OTOP1: variants seen among roughly 807,000 people sequenced by gnomAD.
OTOP1 encodes otopetrin 1, also known as proton channel OTOP1.
Under a neutral mutation model 52.9 loss-of-function variants are expected in OTOP1, and 59 were observed. The observed-to-expected ratio is 1.12, with a 90% CI of 0.91 to 1.39. The LOEUF is 1.39. OTOP1 is among the 40% of genes most tolerant of loss of function. OTOP1 has a pLI of 0.00. For synonymous variants in OTOP1, 317 were observed against 337.7 expected (o/e 0.94, Z 0.67); for missense variants, 761 against 800.9 (o/e 0.95, Z 0.60).
At chr4:4,207,677 A>C (rs1560208249) in intron 2 of OTOP1, among the ~76,000 whole-genome samples, 1 of 152,172 alleles carries the variant, frequency 6.6e-6, no homozygotes, top group African/African-American at 2.4e-5. Flanking sequence ...TAGCAGCATT[A>C]TTCACAATAG....
chr4:4,194,612 A>T (rs1205236843), intron 5 of OTOP1, among the ~76,000 whole-genome samples: 1 of 152,222 alleles, frequency 6.6e-6, no homozygotes, highest in Non-Finnish European at 1.5e-5. Flanking sequence ...GTGATATCAA[A>T]AGCTGCAGGC....
chr4:4,215,402 C>T (rs1717118873), intron 1 of OTOP1, among the ~76,000 whole-genome samples: 1 of 152,166 alleles, frequency 6.6e-6, no homozygotes, highest in Non-Finnish European at 1.5e-5. Context: ...TGGCTCACAC[C>T]TGTAATCCCA....
At chr4:4,207,600 T>G (rs1716934974) in intron 2 of OTOP1, among the ~76,000 whole-genome samples, 1 of 17,454 alleles carries the variant, frequency 5.7e-5, no homozygotes. Flanking sequence ...TCTGGGTATA[T>G]ATATATATAT....
chr4:4,226,384 G>A, intron 1 of OTOP1, 78 bp downstream of exon 1: 1 of 1,301,658 alleles, frequency 7.7e-7, no homozygotes. Context: ...GGCAGCGGTA[G>A]GAAGGGCGCA....
Position 4,197,381 on chromosome 4 carries a change from C to A in OTOP1, c.1453G>T (p.Ala485Ser). ...TTGCCCTGGGGAGCCACATCTCTGG[C>A]CACACCTCCACTCTTGGGGCAGGAA... is the stretch of plus-strand genomic sequence containing the variant. ...ASSCPKSGGV[A>S]RDVAPQGKDM... Residue 485 changes from alanine (A) to serine (S), a missense_variant, in exon 5 of 6, where the codon GCC becomes TCC. Ala to Ser is a moderately conservative substitution (Grantham distance 99, BLOSUM62 1). Around this residue, in one of 3 missense-constraint regions of OTOP1, gnomAD observed 632 missense variants for 619.5 expected, o/e 1.02. Transcript: ENST00000296358. 1.2e-6 allele frequency: 2 copies of A among 1,614,084 alleles called. No homozygotes were observed. Among genetic ancestry groups the A allele is most frequent in the Non-Finnish European group, 1.7e-6 (2 of 1,180,020 alleles).
At chr4:4,207,135 A>C (rs1011710763) in intron 2 of OTOP1, among the ~76,000 whole-genome samples, 2 of 152,220 alleles carry the variant, frequency 1.3e-5, no homozygotes, top group Admixed American at 6.5e-5. Context: ...CCTAAGATTT[A>C]CTGTCTTACT....
intron 1 of OTOP1, among the ~76,000 whole-genome samples, chr4:4,213,917 C>T (rs879080536): frequency 2.0e-5 from 3 of 152,084 alleles, no homozygotes; most frequent in African/African-American, 4.8e-5. Flanking sequence ...TGGTGAAACC[C>T]GTCTCTACTA....
intron 5 of OTOP1, among the ~76,000 whole-genome samples, chr4:4,195,097 AACATAAAG>A (rs1716593285): frequency 6.6e-6 from 1 of 152,062 alleles, no homozygotes. Flanking sequence ...CCTTGCCCTC[AACATAAAG>A]ACTAGACTCT....
intron 5 of OTOP1, among the ~76,000 whole-genome samples, chr4:4,189,466 C>T (rs142647365): frequency 6.6e-5 from 10 of 152,304 alleles, no homozygotes; most frequent in African/African-American, 9.6e-5. Context: ...TCCTCACTCC[C>T]GCTTCCGGCT....
chr4:4,197,090 G>T, intron 5 of OTOP1, 76 bp downstream of exon 5: 2 of 1,409,604 alleles, frequency 1.4e-6, no homozygotes, highest in Non-Finnish European at 1.9e-6. Context: ...TAACAAATCT[G>T]CATGTGTACC....
chr4:4,202,619 G>C lies in OTOP1; in HGVS notation c.600-41C>G, dbSNP rs766170396. ...ACTCAGTTCTCAAGCAGCCCTGGGAGAGCCTCAGGCACCATGGGGTGAGAC... is the reference window on the plus strand; with the variant it reads ...ACTCAGTTCTCAAGCAGCCCTGGGACAGCCTCAGGCACCATGGGGTGAGAC... On this transcript the variant is annotated intron_variant, in intron 3 of 5. Transcript: ENST00000296358. 3 of 1,609,444 alleles carry C rather than the reference G, an allele frequency of 1.9e-6. No individual in the cohort carries two copies. The South Asian group carries it at 3.3e-5, about 18-fold the overall frequency.
intron 2 of OTOP1, among the ~76,000 whole-genome samples, chr4:4,209,924 C>T (rs1716988603): frequency 6.6e-6 from 1 of 152,166 alleles, no homozygotes; most frequent in Non-Finnish European, 1.5e-5. Context: ...GTCTCTGACC[C>T]ACTACACCTG....
At chr4:4,192,098 A>G (rs1429944340) in intron 5 of OTOP1, among the ~76,000 whole-genome samples, 1 of 152,218 alleles carries the variant, frequency 6.6e-6, no homozygotes. Flanking sequence ...TACATGACTA[A>G]TAAAATATGG....
rs1207638249 is a variant in OTOP1, at chr4:4,191,706, C to T, written c.1669-2733G>A. Reference sequence around the variant, plus strand: ...CTGCCCAAGAGCTATTTCCCACATCCTCCTTTTCCACTTCTCTGCTTAACA... The same window carrying T: ...CTGCCCAAGAGCTATTTCCCACATCTTCCTTTTCCACTTCTCTGCTTAACA... On this transcript the variant is annotated intron_variant, in intron 5 of 5. Coordinates refer to ENST00000296358, the MANE Select transcript of OTOP1 (RefSeq NM_177998.3). 2.0e-5 allele frequency among the ~76,000 whole-genome samples: 3 copies of T among 152,228 alleles called. No homozygotes were observed. The East Asian group carries it at 5.8e-4, about 29-fold the overall frequency.
chr4:4,189,598 G>C (rs1294093136), intron 5 of OTOP1, among the ~76,000 whole-genome samples: 1 of 152,190 alleles, frequency 6.6e-6, no homozygotes, highest in Non-Finnish European at 1.5e-5. Context: ...AGTGTGGGAT[G>C]CACCTAACGA....
At chr4:4,213,238 A>G (rs1717063491) in intron 1 of OTOP1, among the ~76,000 whole-genome samples, 1 of 152,236 alleles carries the variant, frequency 6.6e-6, no homozygotes, top group Admixed American at 6.5e-5. Context: ...CTTACACCAT[A>G]TACAAAAATT....
intron 1 of OTOP1, among the ~76,000 whole-genome samples, chr4:4,220,807 G>A (rs1025092870): frequency 6.6e-6 from 1 of 152,088 alleles, no homozygotes; most frequent in Non-Finnish European, 1.5e-5. Context: ...CCTCCTCTTT[G>A]TTAGGCACCC....
Position 4,212,872 on chromosome 4 carries a change from A to C in OTOP1, c.536T>G (p.Leu179Trp). ...AAATAAACATCAGTGGTTTACCTGCAACAAAGTATGCACTGAATGGGTGAC... is the reference window on the plus strand; with the variant it reads ...AAATAAACATCAGTGGTTTACCTGCCACAAAGTATGCACTGAATGGGTGAC... ...FPVTHSVHTL[L>W]QVYFLWGHAK... The change falls in exon 2 of 6, where the codon TTG becomes TGG. Residue 179 changes from leucine (L) to tryptophan (W), a missense_variant. By Grantham distance (61) the Leu-to-Trp change is moderately conservative. Coordinates refer to ENST00000296358, the MANE Select transcript of OTOP1 (RefSeq NM_177998.3). 1 of 1,614,026 alleles carries C rather than the reference A, an allele frequency of 6.2e-7. No individual in the cohort carries two copies. The highest frequency in any genetic ancestry group is 8.5e-7 in the Non-Finnish European group (1 of 1,179,882).
intron 2 of OTOP1, among the ~76,000 whole-genome samples, chr4:4,209,030 G>A (rs112669549): frequency 6.6e-6 from 1 of 152,180 alleles, no homozygotes; most frequent in East Asian, 1.9e-4. Context: ...CCAGTGCTGG[G>A]CAAGTGTACT....
Sources: gnomAD v4.1 joint callset for allele counts (sites outside exome capture counted in the v4.1 genomes callset) on GRCh38, gnomAD v4.1.1 for gene constraint, gnomAD v4.1.1 regional missense constraint, MANE v1.5 for transcripts, NCBI Gene and HGNC (gene_info 2026-07-23, HGNC 2026-07-21) for gene names.